Variants in R3HDM2 observed in about 807,000 individuals in gnomAD.
The protein encoded by R3HDM2 is R3H domain-containing protein 2.
In R3HDM2, 38 loss-of-function variants were observed where a neutral mutation model predicts 124.5. The ratio of observed to expected loss-of-function variants is 0.31; its 90% CI spans 0.24 to 0.40. R3HDM2 has a LOEUF of 0.40. Among genes scored for constraint, R3HDM2 ranks in the 10% least tolerant of loss-of-function variants. The pLI, the probability that R3HDM2 is intolerant of heterozygous loss-of-function variation, is 1.00. For missense variants in R3HDM2, 869 were observed against 1,236.9 expected, an observed-to-expected ratio of 0.70 and a Z score of 4.46; for synonymous variants, 391 against 448.0, an observed-to-expected ratio of 0.87 and a Z score of 1.61.
rs376713366 is a variant in R3HDM2, at chr12:57,255,033, C to T, written c.2713G>A (p.Ala905Thr). 4.3e-6 allele frequency: 7 copies of T among 1,613,620 alleles called. No homozygotes were observed. Among genetic ancestry groups the T allele is most frequent in the African/African-American group, 4.0e-5 (3 of 74,834 alleles). Residue 905 changes from alanine to threonine, a missense_variant, in exon 24 of 24, where the codon GCC (alanine) becomes ACC (threonine). This residue lies in a region of R3HDM2 where 602 missense variants were observed against 789.2 expected (regional missense o/e 0.76). Coordinates refer to ENST00000402412, the MANE Select transcript of R3HDM2 (RefSeq NM_001394031.1). ...CACTGGATCTTGGCGCCAGACATGG[C>T]GAGCTGCGTGAAGAGTTTGTCCGCC... ...TEADKLFTQLAMSGAKIQWLK... is the reference protein window; with the variant it reads ...TEADKLFTQLTMSGAKIQWLK...
At position 57,383,234 on chromosome 12, in the gene R3HDM2, C is replaced by T. The variant is rs559982459; in HGVS notation, c.-36+12515G>A. On this transcript the variant is annotated intron_variant, in intron 2 of 23. Coordinates refer to ENST00000402412, the MANE Select transcript of R3HDM2 (RefSeq NM_001394031.1). ...ACTTGGGAGGCTGAGGTGAGAGGATCGCTTGAGCCAAGGAGGTCAAGGCTG... is the reference window on the plus strand; with the variant it reads ...ACTTGGGAGGCTGAGGTGAGAGGATTGCTTGAGCCAAGGAGGTCAAGGCTG... Among the ~76,000 whole-genome samples, 94 of 152,158 alleles carry T rather than the reference C, an allele frequency of 6.2e-4. 1 individual carries two copies. Among genetic ancestry groups the T allele is most frequent in the Admixed American group, 6.0e-3 (92 of 15,272 alleles).
intron 11 of R3HDM2, among the ~76,000 whole-genome samples, chr12:57,291,322 G>A (rs1323056707): frequency 6.6e-6 from 1 of 151,800 alleles, no homozygotes; most frequent in Non-Finnish European, 1.5e-5. Flanking sequence ...TGGGGGAATG[G>A]GAGGAAAGTA....
At chr12:57,366,742 T>G (rs1019014907) in intron 2 of R3HDM2, among the ~76,000 whole-genome samples, 3 of 152,166 alleles carry the variant, frequency 2.0e-5, no homozygotes, top group African/African-American at 4.8e-5. Flanking sequence ...CAGGCTGGAG[T>G]GCAGTGGCGC....
chr12:57,278,136 TG>T (rs2045282291), intron 14 of R3HDM2, among the ~76,000 whole-genome samples: 1 of 152,186 alleles, frequency 6.6e-6, no homozygotes, highest in Admixed American at 6.5e-5. Context: ...ATCTCAAGAA[TG>T]AATTTCTAAG....
chr12:57,385,289 C>A (rs1170789347), intron 2 of R3HDM2, among the ~76,000 whole-genome samples: 82 of 148,260 alleles, frequency 5.5e-4, no homozygotes, highest in Non-Finnish European at 2.4e-4. Context: ...GTCGCCCAGG[C>A]TGGAGTGCAA....
At chr12:57,325,792 C>T (rs998516263) in intron 2 of R3HDM2, among the ~76,000 whole-genome samples, 1 of 151,752 alleles carries the variant, frequency 6.6e-6, no homozygotes, top group Non-Finnish European at 1.5e-5. Flanking sequence ...AATCCTGCCA[C>T]CTCAGCCTCC....
At chr12:57,313,882 G>GAAAAAA (rs869177467) in intron 2 of R3HDM2, among the ~76,000 whole-genome samples, 2 of 60,494 alleles carry the variant, frequency 3.3e-5, no homozygotes, top group Middle Eastern at 0.012. Flanking sequence ...TCCTGTCTCT[G>GAAAAAA]AAAAAAAAAA....
intron 1 of R3HDM2, among the ~76,000 whole-genome samples, chr12:57,408,313 C>T (rs927676722): frequency 6.6e-6 from 1 of 152,182 alleles, no homozygotes; most frequent in Admixed American, 6.6e-5. Flanking sequence ...GTGATCCTCC[C>T]ACTTCGGACT....
intron 2 of R3HDM2, among the ~76,000 whole-genome samples, chr12:57,361,766 C>T (rs2061994535): frequency 6.6e-6 from 1 of 151,962 alleles, no homozygotes; most frequent in Admixed American, 6.6e-5. Context: ...ACAACTAAAG[C>T]AAAAGGAAGG....
chr12:57,430,253 T>C (rs1213711265), intron 1 of R3HDM2, among the ~76,000 whole-genome samples: 1 of 152,140 alleles, frequency 6.6e-6, no homozygotes. Context: ...GCCCAAGTTT[T>C]AAGCTATAGA....
intron 5 of R3HDM2, 66 bp downstream of exon 5, chr12:57,300,029 C>T: frequency 8.4e-7 from 1 of 1,184,530 alleles, no homozygotes; most frequent in Non-Finnish European, 1.2e-6. Context: ...GCTGTGACTG[C>T]CATACTACAT....
At chr12:57,349,524 G>A (rs2060466828) in intron 2 of R3HDM2, among the ~76,000 whole-genome samples, 1 of 148,636 alleles carries the variant, frequency 6.7e-6, no homozygotes, top group Non-Finnish European at 1.5e-5. Flanking sequence ...TAATTCAGTT[G>A]TCCTACATCT....
chr12:57,400,479 CGTAAATGACGA>C (rs1157895652), intron 1 of R3HDM2, among the ~76,000 whole-genome samples: 1 of 151,898 alleles, frequency 6.6e-6, no homozygotes, highest in Non-Finnish European at 1.5e-5. Context: ...ATATACCTAA[CGTAAATGACGA>C]GTTAATGGGT....
In R3HDM2 at chr12:57,299,372, G is replaced by A; in HGVS notation, c.401C>T (p.Pro134Leu). 1 of 1,549,486 alleles carries A rather than the reference G, an allele frequency of 6.5e-7. No individual in the cohort carries two copies. Among genetic ancestry groups the A allele is most frequent in the Non-Finnish European group, 8.7e-7 (1 of 1,144,674 alleles). The stretch of plus-strand genomic sequence containing the variant: ...CTTACCTCTGGACAGCATCTTCCTT[G>A]GGATCTTTTCTTTGTTTTTGTCCTT... ...EDKDKNKEKI[P>L]RKMLSRDSSQ... Residue 134 changes from proline (P) to leucine (L), a missense_variant, in exon 6 of 24, where the codon CCA (proline) becomes CTA (leucine). Pro to Leu is a moderately conservative substitution (Grantham distance 98). Coordinates refer to ENST00000402412, the MANE Select transcript of R3HDM2 (RefSeq NM_001394031.1).
At chr12:57,290,421 T>C (rs2048344564) in intron 11 of R3HDM2, among the ~76,000 whole-genome samples, 1 of 152,180 alleles carries the variant, frequency 6.6e-6, no homozygotes, top group Non-Finnish European at 1.5e-5. Flanking sequence ...AATACTTAGC[T>C]CTTTTGCTAA....
intron 1 of R3HDM2, among the ~76,000 whole-genome samples, chr12:57,430,129 A>G (rs1869377497): frequency 6.6e-6 from 1 of 152,246 alleles, no homozygotes; most frequent in South Asian, 2.1e-4. Flanking sequence ...ACTCTAAGTC[A>G]GTATTCCTGG....
intron 2 of R3HDM2, among the ~76,000 whole-genome samples, chr12:57,365,071 C>T (rs971628866): frequency 6.6e-6 from 1 of 151,184 alleles, no homozygotes; most frequent in Admixed American, 6.6e-5. Flanking sequence ...AAGATCAGCC[C>T]GGCCAACATG....
intron 2 of R3HDM2, among the ~76,000 whole-genome samples, chr12:57,324,738 T>C (rs372757268): frequency 6.4e-4 from 97 of 152,304 alleles, no homozygotes; most frequent in African/African-American, 2.3e-3. Context: ...AATGAGTACA[T>C]GACTAAGTTA....
intron 1 of R3HDM2, among the ~76,000 whole-genome samples, chr12:57,396,627 A>G (rs964911104): frequency 1.3e-5 from 2 of 151,836 alleles, no homozygotes; most frequent in Non-Finnish European, 2.9e-5. Flanking sequence ...AAAAACACAA[A>G]AATTAGCCAA....
Sources: allele counts gnomAD v4.1 joint callset (sites outside exome capture counted in the v4.1 genomes callset), GRCh38; gene constraint gnomAD v4.1.1; regional missense constraint gnomAD v4.1.1; transcripts MANE v1.5; gene names NCBI Gene and HGNC (gene_info 2026-07-23, HGNC 2026-07-21).